Variants in SLC1A2 observed in about 807,000 individuals in gnomAD.
SLC1A2 encodes the protein excitatory amino acid transporter 2.
In SLC1A2, 15 loss-of-function variants were observed where a neutral mutation model predicts 48.8. The ratio of observed to expected loss-of-function variants is 0.31; its 90% confidence interval spans 0.21 to 0.47. The LOEUF (loss-of-function observed/expected upper bound fraction) is 0.47. SLC1A2 is among the 20% of genes least tolerant of loss of function. The pLI is 0.99. For missense variants in SLC1A2, 502 were observed against 730.5 expected (o/e 0.69, Z 3.61); for synonymous variants, 279 against 272.6 (o/e 1.02, Z -0.23).
intron 1 of SLC1A2, among the ~76,000 whole-genome samples, chr11:35,412,987 G>A (rs1360827129): frequency 2.0e-5 from 3 of 152,112 alleles, no homozygotes; most frequent in Non-Finnish European, 4.4e-5. Flanking sequence ...TGGGGGGTGG[G>A]GGGAAAGGTA....
chr11:35,252,371 A>T lies in SLC1A2; in HGVS notation c.*8523T>A, dbSNP rs925687745. ...GTCAGACTAACTTTTTGTTCCTCTGAGCCCAATCCACCAAGCAAAGGAGGA... is the reference window on the plus strand; with the variant it reads ...GTCAGACTAACTTTTTGTTCCTCTGTGCCCAATCCACCAAGCAAAGGAGGA... On this transcript the variant is annotated 3_prime_UTR_variant, in exon 11 of 11. Coordinates refer to ENST00000278379, the MANE Select transcript of SLC1A2 (RefSeq NM_004171.4). 1 of 152,156 alleles carries T rather than the reference A, an allele frequency of 6.6e-6. No homozygotes were observed. The highest frequency in any genetic ancestry group is 1.5e-5 in the Non-Finnish European group (1 of 68,006). 9.4% of individuals were successfully genotyped at this position (152,156 alleles called of 1,614,324 possible). A position where few individuals can be genotyped will look rare whatever the true frequency, so the allele number is the denominator to read the frequency against.
intron 1 of SLC1A2, among the ~76,000 whole-genome samples, chr11:35,337,773 G>A (rs1288619953): frequency 1.3e-5 from 2 of 152,150 alleles, no homozygotes; most frequent in African/African-American, 4.8e-5. Flanking sequence ...TATAAAATGA[G>A]ATGTTTGAGT....
chr11:35,402,589 A>G (rs895068890), intron 1 of SLC1A2, among the ~76,000 whole-genome samples: 71 of 152,194 alleles, frequency 4.7e-4, no homozygotes, highest in African/African-American at 1.5e-3. Context: ...GAACTTGAGG[A>G]GGGTGTTGTG....
At chr11:35,344,854 A>G (rs897814982) in intron 1 of SLC1A2, among the ~76,000 whole-genome samples, 8 of 152,226 alleles carry the variant, frequency 5.3e-5, no homozygotes, top group Non-Finnish European at 1.2e-4. Context: ...TGTAACAGGA[A>G]GGGCTTCTGG....
chr11:35,280,993 G>C lies in SLC1A2; in HGVS notation c.1295C>G (p.Ala432Gly). The C allele has an allele frequency of 6.2e-7, 1 of 1,608,166 alleles. No individual in the cohort carries two copies. The highest frequency in any genetic ancestry group is 8.5e-7 in the Non-Finnish European group (1 of 1,177,574). Reference sequence around the variant, plus strand: ...GGCCGCGCCGACGCTTGCCAGGGTGGCTGTGAGGCTATGAGAACAGAGAAG... The same window carrying C: ...GGCCGCGCCGACGCTTGCCAGGGTGCCTGTGAGGCTATGAGAACAGAGAAG... The part of the protein sequence containing the change: ...GGQIVTVSLT[A>G]TLASVGAASI... Residue 432 changes from alanine (A) to glycine (G), a missense_variant, in exon 9 of 11, where the codon GCC becomes GGC. By Grantham distance (60) the Ala-to-Gly change is moderately conservative (BLOSUM62 0). Transcript: ENST00000278379.
At chr11:35,272,027 G>T (rs937112640) in intron 9 of SLC1A2, among the ~76,000 whole-genome samples, 2 of 152,108 alleles carry the variant, frequency 1.3e-5, no homozygotes, top group African/African-American at 4.8e-5. Context: ...AAAGGAAGGA[G>T]AGGAAATGGC....
intron 7 of SLC1A2, among the ~76,000 whole-genome samples, chr11:35,290,668 T>C (rs1176546862): frequency 1.3e-5 from 2 of 149,466 alleles, no homozygotes; most frequent in Non-Finnish European, 3.0e-5. Context: ...AAGTATGAGA[T>C]ACCAGGCTTA....
chr11:35,255,841 G>A lies in SLC1A2; in HGVS notation c.*5053C>T, dbSNP rs1950308438. 1 of 152,176 alleles carries A rather than the reference G, an allele frequency of 6.6e-6. No homozygotes were observed. Among genetic ancestry groups the A allele is most frequent in the African/African-American group, 2.4e-5 (1 of 41,436 alleles). The allele number at this position is 152,176 out of a possible 1,614,324, so 9.4% of individuals were successfully genotyped here. Reference sequence around the variant, plus strand: ...TTGGTGTCTCAAAATATCAAACTGTGAATGAACATGGCCAACTTTGAAGCT... The same window carrying A: ...TTGGTGTCTCAAAATATCAAACTGTAAATGAACATGGCCAACTTTGAAGCT... On this transcript the variant is annotated 3_prime_UTR_variant, in exon 11 of 11. Transcript: ENST00000278379.
intron 1 of SLC1A2, among the ~76,000 whole-genome samples, chr11:35,361,927 G>A (rs766174623): frequency 1.8e-4 from 27 of 152,268 alleles, no homozygotes; most frequent in Non-Finnish European, 1.3e-4. Context: ...AGTGAGCCAC[G>A]TTCACACCAC....
intron 1 of SLC1A2, among the ~76,000 whole-genome samples, chr11:35,410,564 T>A (rs1207881329): frequency 1.3e-5 from 2 of 152,054 alleles, no homozygotes; most frequent in South Asian, 2.1e-4. Context: ...CCCAGATCCC[T>A]TTCCCCCCAC....
At chr11:35,359,907 A>C (rs2135123407) in intron 1 of SLC1A2, 1 of 164,512 alleles carries the variant, frequency 6.1e-6, no homozygotes, top group Admixed American at 6.5e-5. Context: ...AAATACCAAA[A>C]TAGGCTCTCA....
intron 1 of SLC1A2, among the ~76,000 whole-genome samples, chr11:35,366,275 G>A (rs553619252): frequency 6.6e-6 from 1 of 152,262 alleles, no homozygotes; most frequent in South Asian, 2.1e-4. Context: ...TGCTCTCAGT[G>A]CCCCACTCAC....
intron 8 of SLC1A2, chr11:35,281,882 T>C (rs777001603): frequency 1.3e-5 from 2 of 152,198 alleles, no homozygotes; most frequent in African/African-American, 2.4e-5. Flanking sequence ...TTTGGAAATA[T>C]GGATTCCCAA....
rs1570216 is a variant in SLC1A2 at position 35,260,787 on chromosome 11, T to C, written c.*107A>G. On this transcript the variant is annotated 3_prime_UTR_variant, in exon 11 of 11. Coordinates refer to ENST00000278379, the MANE Select transcript of SLC1A2 (RefSeq NM_004171.4). ...CCTCGGCTAACAGATTAAGTAAACA[T>C]AGAAATATACGCATTTTTTTCCTTT... 106,280 of 828,966 alleles carry C rather than the reference T, an allele frequency of 0.13. 7,401 individuals carry two copies. Among genetic ancestry groups the C allele is most frequent in the East Asian group, 0.2 (7,898 of 38,836 alleles). The allele number at this position is 828,966 out of a possible 1,614,324, so 51.4% of individuals were successfully genotyped here.
chr11:35,333,842 T>C (rs1352355833), intron 1 of SLC1A2, among the ~76,000 whole-genome samples: 1 of 149,092 alleles, frequency 6.7e-6, no homozygotes, highest in Non-Finnish European at 1.5e-5. Context: ...TTTTTTTTTT[T>C]TTTTTTTTGT....
intron 1 of SLC1A2, chr11:35,322,675 T>A: frequency 2.0e-6 from 3 of 1,519,982 alleles, no homozygotes; most frequent in Non-Finnish European, 1.8e-6. Context: ...AGACACTAGG[T>A]CACCCTAGAA....
chr11:35,288,061 C>G (rs1300726739), intron 7 of SLC1A2, among the ~76,000 whole-genome samples: 1 of 152,180 alleles, frequency 6.6e-6, no homozygotes, highest in Admixed American at 6.5e-5. Context: ...ACATAGATCC[C>G]TGTAGAGGTC....
intron 1 of SLC1A2, among the ~76,000 whole-genome samples, chr11:35,324,657 G>A (rs937990564): frequency 1.3e-5 from 2 of 152,110 alleles, no homozygotes; most frequent in South Asian, 2.1e-4. Flanking sequence ...GTCCCAGAGG[G>A]TCCAGAGTGG....
chr11:35,323,498 A>G (rs1852144275), intron 1 of SLC1A2, among the ~76,000 whole-genome samples: 1 of 152,212 alleles, frequency 6.6e-6, no homozygotes, highest in South Asian at 2.1e-4. Context: ...TAATCTATAA[A>G]ATAAGAGGGT....
Sources: allele counts gnomAD v4.1 joint callset (sites outside exome capture counted in the v4.1 genomes callset), GRCh38; gene constraint gnomAD v4.1.1; transcripts MANE v1.5; gene names NCBI Gene and HGNC (gene_info 2026-07-23, HGNC 2026-07-21).